MCM3: variants seen among roughly 807,000 people sequenced by gnomAD.
MCM3 encodes minichromosome maintenance complex component 3.
In MCM3, 59 loss-of-function variants were observed where a neutral mutation model predicts 91.3. The ratio of observed to expected loss-of-function variants is 0.65; its 90% CI spans 0.52 to 0.80. MCM3 has a LOEUF of 0.80. Among genes scored for constraint, MCM3 ranks in the 30% least tolerant of loss-of-function variants. The probability of loss-of-function intolerance (pLI) is 0.00; values close to 1 mark genes in which losing one functional copy is unlikely to be tolerated. For missense variants in MCM3, 919 were observed against 1,035.4 expected, an observed-to-expected ratio of 0.89 and a Z score of 1.54; for synonymous variants, 383 against 379.6, an observed-to-expected ratio of 1.01 and a Z score of -0.10.
Position 52,284,706 on chromosome 6 carries a change from T to C in MCM3, c.-32A>G, listed in dbSNP as rs761088358. ...TGCCAAAGAACTACCTCCACCAAAG[T>C]CGCGTGGAGGTTCCCAGGATGACTC... On this transcript the variant is annotated 5_prime_UTR_variant, in exon 1 of 17. Coordinates refer to ENST00000596288, the MANE Select transcript of MCM3 (RefSeq NM_002388.6). 6.3e-7 allele frequency: 1 copy of C among 1,591,610 alleles called. No individual in the cohort carries two copies. The highest frequency in any genetic ancestry group is 1.1e-5 in the South Asian group (1 of 87,912).
intron 14 of MCM3, among the ~76,000 whole-genome samples, chr6:52,267,622 G>A (rs1764747129): frequency 6.7e-6 from 1 of 150,350 alleles, no homozygotes; most frequent in African/African-American, 2.5e-5. Context: ...CTGCCTCCCA[G>A]GCTCAAGCAA....
intron 4 of MCM3, among the ~76,000 whole-genome samples, chr6:52,280,488 C>A (rs1291140052): frequency 6.6e-6 from 1 of 152,154 alleles, no homozygotes; most frequent in Admixed American, 6.5e-5. Context: ...CACAAGGAAA[C>A]CAGGAGACTA....
At chr6:52,280,986 T>C (rs149777101) in intron 4 of MCM3, among the ~76,000 whole-genome samples, 220 of 152,370 alleles carry the variant, frequency 1.4e-3, no homozygotes, top group African/African-American at 5.1e-3. Context: ...GACTGGGTCT[T>C]ATTTATATCC....
At chr6:52,266,464 C>A in intron 15 of MCM3, 147 bp downstream of exon 15, 1 of 735,206 alleles carries the variant, frequency 1.4e-6, no homozygotes, top group Non-Finnish European at 2.3e-6. Context: ...TCCCCTGAAG[C>A]TCTCTTGGGA....
chr6:52,283,336 T>G lies in MCM3; in HGVS notation c.149A>C (p.Asn50Thr). The G allele has an allele frequency of 6.2e-7, 1 of 1,614,188 alleles. No individual in the cohort carries two copies. The highest frequency in any genetic ancestry group is 8.5e-7 in the Non-Finnish European group (1 of 1,180,014). Residue 50 changes from asparagine to threonine, a missense_variant, in exon 2 of 17, where the codon AAT becomes ACT. By Grantham distance (65) the Asn-to-Thr change is moderately conservative (BLOSUM62 0). Around this residue, in one of 3 missense-constraint regions of MCM3, gnomAD observed 401 missense variants for 402.7 expected, o/e 1.00. Transcript: ENST00000596288. ...GTTTTTCCTGCGCAGGTCATTCACA[T>G]TGACAATCAGCCGGTATTGGTTGTC... ...ISDNQYRLIV[N>T]VNDLRRKNEK...
chr6:52,278,023 G>A (rs1373799892), intron 6 of MCM3, among the ~76,000 whole-genome samples: 2 of 121,392 alleles, frequency 1.6e-5, no homozygotes, highest in African/African-American at 3.3e-5. Context: ...AGCAGAGATC[G>A]CACCATTGCA....
intron 1 of MCM3, 146 bp from the exon 2 acceptor site, chr6:52,283,552 T>C: frequency 1.5e-6 from 1 of 652,998 alleles, no homozygotes. Flanking sequence ...AATTTCTCCC[T>C]TTCATTCACT....
intron 9 of MCM3, 143 bp downstream of exon 9, chr6:52,276,125 A>G: frequency 1.4e-6 from 1 of 725,486 alleles, no homozygotes; most frequent in Middle Eastern, 4.0e-4. Context: ...TGCTCTAAAC[A>G]AAGGACAATA....
intron 11 of MCM3, among the ~76,000 whole-genome samples, chr6:52,272,828 C>T (rs1246088139): frequency 6.6e-6 from 1 of 152,144 alleles, no homozygotes; most frequent in East Asian, 1.9e-4. Flanking sequence ...GGTGTAAGAT[C>T]CCACATTTCA....
intron 10 of MCM3, 80 bp from the exon 11 acceptor site, chr6:52,273,436 G>T: frequency 7.1e-7 from 1 of 1,415,330 alleles, no homozygotes; most frequent in Non-Finnish European, 9.8e-7. Flanking sequence ...AGCACAAGAA[G>T]GGGAGACACC....
rs753792788 is a variant in MCM3, at chr6:52,279,430, C to T, written c.701G>A (p.Arg234Gln). The change falls in exon 5 of 17, where the codon CGG becomes CAG. Residue 234 changes from arginine (R) to glutamine (Q), a missense_variant. Coordinates refer to ENST00000596288, the MANE Select transcript of MCM3 (RefSeq NM_002388.6). Reference sequence around the variant, plus strand: ...ACGGTAGGTTCCCACCACCTGAACCCGGTCACCAGGCTTCGCTTTATCCAC... The same window carrying T: ...ACGGTAGGTTCCCACCACCTGAACCTGGTCACCAGGCTTCGCTTTATCCAC... The part of the protein sequence containing the change: ...DLVDKAKPGD[R>Q]VQVVGTYRCL... The T allele has an allele frequency of 7.4e-6, 12 of 1,614,168 alleles. No individual in the cohort carries two copies. In the Admixed American group the frequency reaches 1.3e-4, roughly 18 times the overall value.
At position 52,278,720 on chromosome 6, in the gene MCM3, A is replaced by G. The variant is rs374047428; in HGVS notation, c.879+22T>C. 1.7e-4 allele frequency: 266 copies of G among 1,559,236 alleles called. 1 individual carries two copies. Among genetic ancestry groups the G allele is most frequent in the Non-Finnish European group, 2.1e-4 (239 of 1,133,542 alleles). ...TCTTAGAAATCCATTCCCACCCTCA[A>G]ATTTCTAAAGGATGCCCAGACCTTG... On this transcript the variant is annotated intron_variant, in intron 6 of 16. Transcript: ENST00000596288.
rs1472145691 is a variant in MCM3 at position 52,282,714 on chromosome 6, C to T, written c.339G>A (p.Pro113=). 11 of 1,613,772 alleles carry T rather than the reference C, an allele frequency of 6.8e-6. No homozygotes were observed. Among genetic ancestry groups the T allele is most frequent in the African/African-American group, 6.7e-5 (5 of 74,874 alleles). ...TGAGGAAGCAGGAGGTAAGAGTCCG[C>T]GGGGAGACGTGCTTGGAGCCAAAGC... The part of the protein sequence containing the change: ...EGSFGSKHVS[P]RTLTSCFLSC... The change falls in exon 3 of 17, where the codon CCG becomes CCA. Residue 113 remains proline, a synonymous_variant. Transcript: ENST00000596288.
At chr6:52,266,258 T>A in intron 15 of MCM3, 114 bp from the exon 16 acceptor site, 1 of 801,212 alleles carries the variant, frequency 1.2e-6, no homozygotes, top group Non-Finnish European at 2.2e-6. Flanking sequence ...TGCTGAACAC[T>A]CCTATTTCCT....
intron 9 of MCM3, among the ~76,000 whole-genome samples, chr6:52,274,154 C>CT (rs1375076606): frequency 1.3e-5 from 2 of 152,184 alleles, no homozygotes; most frequent in African/African-American, 4.8e-5. Flanking sequence ...ACAGGAACCT[C>CT]TAACAGGCTG....
intron 14 of MCM3, among the ~76,000 whole-genome samples, 190 bp from the exon 15 acceptor site, chr6:52,266,886 C>T (rs564206442): frequency 6.6e-6 from 1 of 152,174 alleles, no homozygotes; most frequent in Non-Finnish European, 1.5e-5. Flanking sequence ...AGAACACAAA[C>T]AGGCGCTGCT....
chr6:52,280,380 G>GT (rs1765983359), intron 4 of MCM3, among the ~76,000 whole-genome samples: 1 of 152,208 alleles, frequency 6.6e-6, no homozygotes, highest in African/African-American at 2.4e-5. Flanking sequence ...CACTTATTGA[G>GT]TGTTTGCTAT....
At chr6:52,273,648 C>A (rs1434040577) in intron 10 of MCM3, 94 bp downstream of exon 10, 4 of 1,344,104 alleles carry the variant, frequency 3.0e-6, no homozygotes, top group Non-Finnish European at 3.1e-6. Context: ...AACCCGGACA[C>A]TGAAACACCT....
Position 52,279,354 on chromosome 6 carries a change from C to G in MCM3, c.770+7G>C. 4.4e-6 allele frequency: 7 copies of G among 1,609,076 alleles called. No individual in the cohort carries two copies. The highest frequency in any genetic ancestry group is 5.1e-6 in the Non-Finnish European group (6 of 1,175,886). ...GCATTCCATATACTTTAAGGCAGAC[C>G]CTTTACCTGAAGGTCCCAGAGGTGT... On this transcript the variant is annotated splice_region_variant and intron_variant, in intron 5 of 16. Transcript: ENST00000596288.
Sources: gnomAD v4.1 joint callset for allele counts (sites outside exome capture counted in the v4.1 genomes callset) on GRCh38, gnomAD v4.1.1 for gene constraint, gnomAD v4.1.1 regional missense constraint, MANE v1.5 for transcripts, NCBI Gene and HGNC (gene_info 2026-07-23, HGNC 2026-07-21) for gene names.